NBAS: variants seen among roughly 807,000 people sequenced by gnomAD.
NBAS encodes the protein NAG/BC035112 fusion.
A neutral mutation model predicts 302.5 loss-of-function variants in NBAS; 219 were observed. The ratio of observed to expected loss-of-function variants is 0.72; its 90% CI spans 0.65 to 0.81. NBAS has a LOEUF of 0.81. Ranked by LOEUF, NBAS falls within the 30% of genes least tolerant of loss-of-function variation. The probability of loss-of-function intolerance (pLI) is 0.00; values close to 1 mark genes in which losing one functional copy is unlikely to be tolerated. For synonymous variants in NBAS, 1,118 were observed against 1,021.6 expected, an observed-to-expected ratio of 1.09 and a Z score of -1.80; for missense variants, 2,932 against 2,841.6, an observed-to-expected ratio of 1.03 and a Z score of -0.72.
the NBAS span, among the ~76,000 whole-genome samples, chr2:15,023,907 A>G: frequency 2.0e-5 from 3 of 151,956 alleles, no homozygotes; most frequent in Non-Finnish European, 4.4e-5. Context: ...CAAAATTTTT[A>G]TTTTTACATA....
At chr2:15,325,006 C>G (rs1490740200) in intron 38 of NBAS, among the ~76,000 whole-genome samples, 1 of 152,144 alleles carries the variant, frequency 6.6e-6, no homozygotes, top group Non-Finnish European at 1.5e-5. Context: ...AACATTTCTC[C>G]AAAAACAGCA....
At chr2:15,107,767 A>G in the NBAS span, among the ~76,000 whole-genome samples, 24 of 152,286 alleles carry the variant, frequency 1.6e-4, no homozygotes, top group East Asian at 4.2e-3. Context: ...TTCTCATATA[A>G]CTATCACCGC....
At chr2:15,243,754 T>G (rs1421027911) in intron 44 of NBAS, among the ~76,000 whole-genome samples, 2 of 152,162 alleles carry the variant, frequency 1.3e-5, no homozygotes, top group African/African-American at 4.8e-5. Flanking sequence ...CATGAAGTAC[T>G]GTCCAGATCG....
chr2:15,274,619 G>C (rs1669484007), intron 44 of NBAS, among the ~76,000 whole-genome samples: 1 of 152,166 alleles, frequency 6.6e-6, no homozygotes, highest in Non-Finnish European at 1.5e-5. Context: ...TCTATTCTGA[G>C]TGAGGCTACA....
At chr2:14,883,958 T>A in the NBAS span, among the ~76,000 whole-genome samples, 1 of 145,778 alleles carries the variant, frequency 6.9e-6, no homozygotes, top group African/African-American at 2.6e-5. Flanking sequence ...AGTGACATAG[T>A]AAGACCTTCT....
chr2:15,522,791 A>G (rs1224077917), intron 9 of NBAS, among the ~76,000 whole-genome samples: 1 of 152,240 alleles, frequency 6.6e-6, no homozygotes. Context: ...GACTGCCCCA[A>G]AATTTAACTA....
intron 32 of NBAS, among the ~76,000 whole-genome samples, chr2:15,364,785 C>T (rs1674115871): frequency 1.3e-5 from 2 of 152,064 alleles, no homozygotes; most frequent in African/African-American, 4.8e-5. Context: ...TAGCCACGAT[C>T]TGATGAAATT....
In NBAS at chr2:15,558,650, A is replaced by G. The variant is rs1170362729; in HGVS notation, c.118-16T>C. On this transcript the variant is annotated splice_polypyrimidine_tract_variant and intron_variant, in intron 1 of 51. Transcript: ENST00000281513. ...TGCCTCTAGGCTGGAATTTAAAACA[A>G]AAAACACTTACATTTGAATCTTCTA... 7.5e-6 allele frequency: 12 copies of G among 1,600,858 alleles called. No individual in the cohort carries two copies. Among genetic ancestry groups the G allele is most frequent in the Non-Finnish European group, 1.0e-5 (12 of 1,169,432 alleles).
chr2:15,001,315 C>T, the NBAS span, among the ~76,000 whole-genome samples: 1 of 152,090 alleles, frequency 6.6e-6, no homozygotes, highest in South Asian at 2.1e-4. Context: ...GTTATACACA[C>T]ACACAGCTAT....
At chr2:15,148,143 C>CA in the NBAS span, among the ~76,000 whole-genome samples, 1 of 152,164 alleles carries the variant, frequency 6.6e-6, no homozygotes, top group South Asian at 2.1e-4. Context: ...ACGAGACAGT[C>CA]AGAAAGCAAT....
At chr2:15,313,972 C>T (rs953639843) in intron 38 of NBAS, among the ~76,000 whole-genome samples, 4 of 152,206 alleles carry the variant, frequency 2.6e-5, no homozygotes, top group African/African-American at 9.7e-5. Context: ...AATAGTAATT[C>T]TATTTAAATT....
In NBAS at chr2:15,474,165, G is replaced by A. The variant is rs759960319; in HGVS notation, c.1501C>T (p.Arg501Ter). 9.3e-6 allele frequency: 15 copies of A among 1,613,952 alleles called. No individual in the cohort carries two copies. Among genetic ancestry groups the A allele is most frequent in the South Asian group, 3.3e-5 (3 of 91,084 alleles). ...QGLYLVTEME[R>*]FAPPRKRPRT... is the part of the protein sequence containing the mutation. ...GGGCGTTTCCGTGGTGGTGCAAATC[G>A]CTCCATTTCAGTCACCAAGTAAAGG... The change falls in exon 15 of 52, where the codon CGA (arginine) becomes TGA (stop). Residue 501 changes from arginine (R) to a stop codon, truncating the protein, a stop_gained. Coordinates refer to ENST00000281513, the MANE Select transcript of NBAS (RefSeq NM_015909.4). LOFTEE classifies it high-confidence loss of function.
chr2:15,448,508 C>T (rs116490639), intron 21 of NBAS, among the ~76,000 whole-genome samples: 1,807 of 152,270 alleles, frequency 0.012, 23 homozygotes, highest in Middle Eastern at 0.02. Context: ...GACGTACGTC[C>T]CTGTTTCTGA....
chr2:15,378,828 C>A (rs1674883952), intron 30 of NBAS, among the ~76,000 whole-genome samples: 2 of 152,108 alleles, frequency 1.3e-5, no homozygotes, highest in Non-Finnish European at 2.9e-5. Context: ...TGTCTGTAAA[C>A]CACTTTTCTG....
rs1324335953 is a variant in NBAS, at chr2:15,475,880, T to A, written c.1148A>T (p.Asp383Val). The change falls in exon 14 of 52, where the codon GAT becomes GTT. Residue 383 changes from aspartate (D) to valine (V), a missense_variant and splice_region_variant. By Grantham distance (152) the Asp-to-Val change is radical. Coordinates refer to ENST00000281513, the MANE Select transcript of NBAS (RefSeq NM_015909.4). The stretch of plus-strand genomic sequence containing the variant: ...TATCAGTGGGTAAAAGGACTCTTTA[T>A]CTAAGAAGCGAAAAACAAATCAATA... The part of the protein sequence containing the change: ...LSTEKRKKIK[D>V]KESFYPLIDV... The A allele has an allele frequency of 8.1e-6, 13 of 1,611,216 alleles. No homozygotes were observed. Among genetic ancestry groups the A allele is most frequent in the Non-Finnish European group, 1.1e-5 (13 of 1,177,806 alleles).
At chr2:15,290,084 TAGAGGGG>T (rs1462927739) in intron 41 of NBAS, among the ~76,000 whole-genome samples, 16 of 59,918 alleles carry the variant, frequency 2.7e-4, no homozygotes, top group Non-Finnish European at 5.1e-4. Flanking sequence ...GGGGAGAGAG[TAGAGGGG>T]AGAGGGGAGA....
intron 38 of NBAS, among the ~76,000 whole-genome samples, chr2:15,313,332 G>A (rs1671361216): frequency 6.6e-6 from 1 of 152,128 alleles, no homozygotes; most frequent in Non-Finnish European, 1.5e-5. Flanking sequence ...ACATGAAATA[G>A]GTGTTTTATA....
chr2:14,857,519 C>T, the NBAS span, among the ~76,000 whole-genome samples: 15 of 152,086 alleles, frequency 9.9e-5, no homozygotes, highest in Non-Finnish European at 2.1e-4. Flanking sequence ...GCGATAAATC[C>T]ATACATCTAC....
the NBAS span, among the ~76,000 whole-genome samples, chr2:14,924,044 TA>T: frequency 6.6e-6 from 1 of 152,164 alleles, no homozygotes; most frequent in African/African-American, 2.4e-5. Context: ...AAGCTCTCTC[TA>T]AAGAATCTCA....
Sources: allele counts gnomAD v4.1 joint callset (sites outside exome capture counted in the v4.1 genomes callset), GRCh38; gene constraint gnomAD v4.1.1; transcripts MANE v1.5; gene names NCBI Gene and HGNC (gene_info 2026-07-23, HGNC 2026-07-21).